Variants in NF2 observed in about 807,000 individuals in gnomAD.
NF2 encodes merlin.
NF2 carries 8 observed loss-of-function variants against 83.7 expected under a neutral mutation model. The ratio of observed to expected loss-of-function variants is 0.10; its 90% CI spans 0.06 to 0.17. The LOEUF is 0.17. NF2 is among the 10% of genes least tolerant of loss of function. The pLI is 1.00. For synonymous variants in NF2, 266 were observed against 269.6 expected (o/e 0.99, Z 0.13); for missense variants, 533 against 744.4 (o/e 0.72, Z 3.31).
chr22:29,635,041 C>T (rs554298556), intron 1 of NF2, among the ~76,000 whole-genome samples: 1 of 152,212 alleles, frequency 6.6e-6, no homozygotes, highest in East Asian at 1.9e-4. Flanking sequence ...AACGGCCCTG[C>T]TAAAAGATAA....
chr22:29,614,580 T>TAAAA (rs397868024), intron 1 of NF2, among the ~76,000 whole-genome samples: 1 of 71,514 alleles, frequency 1.4e-5, no homozygotes, highest in Non-Finnish European at 3.3e-5. Context: ...AGACTCCATC[T>TAAAA]AAAAAAAAAA....
intron 14 of NF2, among the ~76,000 whole-genome samples, chr22:29,680,018 A>G (rs1265857173): frequency 6.6e-6 from 1 of 152,014 alleles, no homozygotes; most frequent in Non-Finnish European, 1.5e-5. Context: ...ACCCAGTGGA[A>G]GGGATGAGGG....
intron 9 of NF2, among the ~76,000 whole-genome samples, chr22:29,666,285 C>CAT: frequency 6.6e-6 from 1 of 151,958 alleles, no homozygotes; most frequent in Non-Finnish European, 1.5e-5. Context: ...GGATTACAGG[C>CAT]GGCCACTACC....
intron 1 of NF2, among the ~76,000 whole-genome samples, chr22:29,616,349 C>A (rs2065081316): frequency 6.6e-6 from 1 of 151,996 alleles, no homozygotes; most frequent in African/African-American, 2.4e-5. Context: ...TTAAAAAAAA[C>A]CTTAGGCAAA....
chr22:29,671,678 G>T, intron 10 of NF2, 148 bp from the exon 11 acceptor site: 3 of 1,054,920 alleles, frequency 2.8e-6, no homozygotes, highest in Non-Finnish European at 4.2e-6. Context: ...GGGGTGGGGG[G>T]CAATAAGAAT....
intron 4 of NF2, among the ~76,000 whole-genome samples, chr22:29,648,177 T>TA (rs1284937864): frequency 6.7e-6 from 1 of 148,808 alleles, no homozygotes; most frequent in Non-Finnish European, 1.5e-5. Context: ...GTAAAAAAAT[T>TA]AAAAAAGGTA....
chr22:29,643,292 A>ATTT (rs1194773468), intron 4 of NF2, among the ~76,000 whole-genome samples: 34 of 137,854 alleles, frequency 2.5e-4, no homozygotes, highest in East Asian at 4.3e-4. Context: ...TACTTGTGTG[A>ATTT]TTTTTTTTTT....
intron 1 of NF2, among the ~76,000 whole-genome samples, chr22:29,620,732 A>T (rs1360122557): frequency 2.6e-5 from 4 of 151,976 alleles, no homozygotes; most frequent in Admixed American, 2.6e-4. Context: ...CTCCAAAAAA[A>T]AAAATAGAGA....
Position 29,680,853 on chromosome 22 carries a change from T to TAA in NF2, c.1575-575_1575-574dup, listed in dbSNP as rs34045954. 1.4e-4 allele frequency among the ~76,000 whole-genome samples: 21 copies of TAA among 145,198 alleles called. No individual in the cohort carries two copies. In the South Asian group the frequency reaches 1.8e-3, roughly 12 times the overall value. On this transcript the variant is annotated intron_variant, in intron 14 of 15. Transcript: ENST00000338641. ...GCCTGGGCAGCATAGCAAGATCCTA[T>TAA]AAAAAAAAAAAAGAGTTTACTTGAA...
At chr22:29,617,998 T>TAA (rs2065121513) in intron 1 of NF2, among the ~76,000 whole-genome samples, 1 of 152,200 alleles carries the variant, frequency 6.6e-6, no homozygotes, top group African/African-American at 2.4e-5. Context: ...ATTCATGGAA[T>TAA]GCATAGTCCC....
rs1265743015 is a variant in NF2, at chr22:29,636,001, C to G, written c.115-750C>G. On this transcript the variant is annotated intron_variant, in intron 1 of 15. Coordinates refer to ENST00000338641, the MANE Select transcript of NF2 (RefSeq NM_000268.4). This position sits in a 1 kb window ranked among gnomAD's most constrained non-coding sequence, Gnocchi z 4.4. ...CCCTTAAGACATTGAACTTGCTTTT[C>G]CACATAGCAGATGGAATAGCTGAGA... is the stretch of plus-strand genomic sequence containing the variant. Among the ~76,000 whole-genome samples the G allele has an allele frequency of 3.9e-5, 6 of 152,198 alleles. No homozygotes were observed. The highest frequency in any genetic ancestry group is 2.1e-4 in the South Asian group (1 of 4,822).
At chr22:29,691,307 A>G (rs2067397327) in intron 15 of NF2, among the ~76,000 whole-genome samples, 1 of 152,162 alleles carries the variant, frequency 6.6e-6, no homozygotes, top group South Asian at 2.1e-4. Context: ...GACTCACCAG[A>G]GTGGCTTCAG....
chr22:29,616,935 G>GTT (rs909465193), intron 1 of NF2, among the ~76,000 whole-genome samples: 2 of 144,360 alleles, frequency 1.4e-5, no homozygotes, highest in East Asian at 2.0e-4. Flanking sequence ...TTTTTTGGGG[G>GTT]TTTTTTTTTT....
intron 9 of NF2, 58 bp from the exon 10 acceptor site, chr22:29,668,275 G>T: frequency 3.9e-6 from 5 of 1,276,656 alleles, no homozygotes; most frequent in Non-Finnish European, 5.7e-6. Flanking sequence ...TAGTGGGCCA[G>T]TAGGCAGTGA....
intron 1 of NF2, among the ~76,000 whole-genome samples, chr22:29,610,252 G>A (rs531607655): frequency 3.3e-5 from 5 of 152,078 alleles, no homozygotes; most frequent in African/African-American, 1.2e-4. Flanking sequence ...AGGTTAAGGT[G>A]TGAGGATCAC....
chr22:29,657,411 A>G (rs578228805), intron 6 of NF2, among the ~76,000 whole-genome samples: 3 of 152,226 alleles, frequency 2.0e-5, no homozygotes, highest in Admixed American at 1.3e-4. Context: ...GAGTTTTGCT[A>G]TTACAATAAT....
intron 1 of NF2, among the ~76,000 whole-genome samples, chr22:29,626,122 C>T (rs2065359734): frequency 1.3e-5 from 2 of 150,836 alleles, no homozygotes; most frequent in African/African-American, 4.9e-5. Context: ...TGTTAGTCTT[C>T]AGCCCACGGT....
chr22:29,689,064 A>AG (rs779779580), intron 15 of NF2, among the ~76,000 whole-genome samples: 4 of 151,718 alleles, frequency 2.6e-5, no homozygotes, highest in Non-Finnish European at 5.9e-5. Flanking sequence ...CTGTAGTTCC[A>AG]GCTACTCAGG....
At chr22:29,615,330 T>C (rs1207684679) in intron 1 of NF2, among the ~76,000 whole-genome samples, 1 of 152,246 alleles carries the variant, frequency 6.6e-6, no homozygotes, top group African/African-American at 2.4e-5. Context: ...TCCTGCACTT[T>C]GGGAGACCAA....
Sources: gnomAD v4.1 joint callset for allele counts (sites outside exome capture counted in the v4.1 genomes callset) on GRCh38, gnomAD v4.1.1 for gene constraint, Gnocchi (gnomAD v3.1) non-coding constraint, MANE v1.5 for transcripts, NCBI Gene and HGNC (gene_info 2026-07-23, HGNC 2026-07-21) for gene names.